The following PCDH11X variants were observed in gnomAD, a reference collection of about 807,000 sequenced individuals.
PCDH11X encodes protocadherin-11 X-linked.
PCDH11X carries 18 observed loss-of-function variants against 53.3 expected under a neutral mutation model. The ratio of observed to expected loss-of-function variants is 0.34; its 90% confidence interval spans 0.23 to 0.50. PCDH11X has a LOEUF of 0.50. PCDH11X is among the 20% of genes least tolerant of loss of function. The pLI is 0.98. For missense variants in PCDH11X, 570 were observed against 1,032.4 expected (o/e 0.55, Z 6.14); for synonymous variants, 279 against 393.3 (o/e 0.71, Z 3.44).
rs1403142663 is a variant in PCDH11X at position 92,007,310 on chromosome X, A to G, written c.3033+128037A>G. 9.8e-5 allele frequency among the ~76,000 whole-genome samples: 11 copies of G among 111,737 alleles called. No homozygotes were observed. The South Asian group carries it at 1.1e-3, about 11-fold the overall frequency. Reference sequence around the variant, plus strand: ...TTTTAATGTATTCATCTGAGCTGATATTCAAACCACAAGACACAGTTCTTC... The same window carrying G: ...TTTTAATGTATTCATCTGAGCTGATGTTCAAACCACAAGACACAGTTCTTC... On this transcript the variant is annotated intron_variant, in intron 6 of 10. Coordinates refer to ENST00000682573, the MANE Select transcript of PCDH11X (RefSeq NM_032968.5).
Position 91,785,218 on chromosome X carries a change from CT to C in PCDH11X, c.-379+5535del, listed in dbSNP as rs1488428164. Among the ~76,000 whole-genome samples, 364 of 100,747 alleles carry C rather than the reference CT, an allele frequency of 3.6e-3. 4 individuals are homozygous for C. Among genetic ancestry groups the C allele is most frequent in the African/African-American group, 0.013 (349 of 26,953 alleles). The allele number at this position is 100,747 out of a possible 115,157, so 87.5% of individuals were successfully genotyped here. The stretch of plus-strand genomic sequence containing the variant: ...CTTATTTTTATTCCCTCCTCCCCCC[CT>C]CCTCCTTTTTTTCTTTTTGCTTTGT... On this transcript the variant is annotated intron_variant, in intron 1 of 10. Coordinates refer to ENST00000682573, the MANE Select transcript of PCDH11X (RefSeq NM_032968.5).
At chrX:92,255,926 G>T (rs1255363339) in intron 7 of PCDH11X, among the ~76,000 whole-genome samples, 12 of 112,627 alleles carry the variant, frequency 1.1e-4, no homozygotes, top group African/African-American at 2.9e-4. Context: ...AGCCTACAGA[G>T]GCAGGCAGGC....
chrX:92,405,025 CT>C (rs1343811109), intron 9 of PCDH11X, among the ~76,000 whole-genome samples: 1 of 94,730 alleles, frequency 1.1e-5, no homozygotes, highest in Non-Finnish European at 2.0e-5. Context: ...GTTATTGCCC[CT>C]AACACCTCCT....
At chrX:92,010,851 AG>A (rs2062678848) in intron 6 of PCDH11X, among the ~76,000 whole-genome samples, 1 of 110,261 alleles carries the variant, frequency 9.1e-6, no homozygotes, top group African/African-American at 3.3e-5. Context: ...AGTACCTGAT[AG>A]TATTTCAGTG....
intron 9 of PCDH11X, chrX:92,460,006 C>A: frequency 5.8e-6 from 6 of 1,043,031 alleles, no homozygotes; most frequent in Non-Finnish European, 6.6e-6. Context: ...AATCCGGGAG[C>A]ACTTGGAGAA....
intron 6 of PCDH11X, among the ~76,000 whole-genome samples, chrX:92,185,735 G>GA (rs2066080319): frequency 2.7e-5 from 3 of 110,224 alleles, no homozygotes; most frequent in Non-Finnish European, 5.7e-5. Context: ...ATAAGTATAT[G>GA]AAAAAATGTT....
At chrX:92,184,609 A>C (rs952021318) in intron 6 of PCDH11X, among the ~76,000 whole-genome samples, 2 of 112,257 alleles carry the variant, frequency 1.8e-5, no homozygotes, top group African/African-American at 6.5e-5. Context: ...TAACAAAAAC[A>C]GTATGGTACT....
intron 7 of PCDH11X, among the ~76,000 whole-genome samples, chrX:92,244,912 G>A (rs991024233): frequency 8.9e-6 from 1 of 111,839 alleles, no homozygotes; most frequent in African/African-American, 3.2e-5. Context: ...TCTTCCAAAA[G>A]TACCAATGAT....
intron 6 of PCDH11X, among the ~76,000 whole-genome samples, chrX:91,989,456 G>A (rs1487318991): frequency 4.5e-5 from 5 of 110,332 alleles, no homozygotes; most frequent in African/African-American, 1.3e-4. Context: ...CCAGCTACTC[G>A]GGAGGCTGAG....
chrX:92,036,190 C>T (rs1372442728), intron 6 of PCDH11X, among the ~76,000 whole-genome samples: 1 of 103,736 alleles, frequency 9.6e-6, no homozygotes, highest in Non-Finnish European at 1.9e-5. Context: ...ATATGTTTTC[C>T]TGGAGGTTAC....
intron 7 of PCDH11X, among the ~76,000 whole-genome samples, chrX:92,241,774 A>G (rs902884053): frequency 6.3e-5 from 7 of 111,657 alleles, no homozygotes; most frequent in Admixed American, 5.7e-4. Context: ...TTACATTGCA[A>G]TTTTTATTGA....
At chrX:91,946,904 T>C (rs2061582895) in intron 6 of PCDH11X, among the ~76,000 whole-genome samples, 1 of 107,133 alleles carries the variant, frequency 9.3e-6, no homozygotes. Context: ...TTTTGTATTA[T>C]GAGCATGTGT....
chrX:92,142,158 A>AT (rs755188681), intron 6 of PCDH11X, among the ~76,000 whole-genome samples: 1,331 of 98,174 alleles, frequency 0.014, 20 homozygotes, highest in African/African-American at 0.039. Context: ...TATTATTATT[A>AT]TTTTTTTTTT....
At chrX:92,164,476 G>A (rs146486532) in intron 6 of PCDH11X, among the ~76,000 whole-genome samples, 1,450 of 112,082 alleles carry the variant, frequency 0.013, 26 homozygotes, top group African/African-American at 0.045. Flanking sequence ...TCTGAGGTAT[G>A]GCAGGAATAA....
chrX:92,341,841 C>G (rs1331988299), intron 8 of PCDH11X, among the ~76,000 whole-genome samples: 1 of 111,663 alleles, frequency 9.0e-6, no homozygotes, highest in Non-Finnish European at 1.9e-5. Flanking sequence ...ACAAGTGTGA[C>G]CGAATTAAAC....
chrX:92,584,789 C>CTTTTTTTTTTTTT (rs1171667582), intron 10 of PCDH11X, among the ~76,000 whole-genome samples: 1 of 65,110 alleles, frequency 1.5e-5, no homozygotes, highest in Non-Finnish European at 2.6e-5. Context: ...TCTTTTTTTC[C>CTTTTTTTTTTTTT]TTTTTTTTTT....
At chrX:92,189,377 A>G (rs1191213477) in intron 6 of PCDH11X, among the ~76,000 whole-genome samples, 1 of 111,665 alleles carries the variant, frequency 9.0e-6, no homozygotes, top group East Asian at 2.8e-4. Flanking sequence ...TGTCCTTGCA[A>G]AGGACGTGAT....
At chrX:92,220,691 A>G (rs1047470152) in intron 7 of PCDH11X, among the ~76,000 whole-genome samples, 23 of 110,404 alleles carry the variant, frequency 2.1e-4, no homozygotes, top group Non-Finnish European at 4.2e-4. Context: ...CAGCCACCCC[A>G]TTACTGGATA....
chrX:92,427,035 C>G (rs2072133924), intron 9 of PCDH11X, among the ~76,000 whole-genome samples: 1 of 109,713 alleles, frequency 9.1e-6, no homozygotes, highest in South Asian at 3.9e-4. Context: ...CCCTTCACTC[C>G]CTGCCTTTCT....
Sources: gnomAD v4.1 joint callset for allele counts (sites outside exome capture counted in the v4.1 genomes callset) on GRCh38, gnomAD v4.1.1 for gene constraint, MANE v1.5 for transcripts, NCBI Gene and HGNC (gene_info 2026-07-23, HGNC 2026-07-21) for gene names.